SORD: variants seen among roughly 807,000 people sequenced by gnomAD.
SORD encodes the protein (R,R)-butanediol dehydrogenase.
SORD carries 18 observed loss-of-function variants against 35.6 expected under a neutral mutation model. That is an observed-to-expected ratio of 0.51 (90% CI 0.35 to 0.75). The LOEUF (loss-of-function observed/expected upper bound fraction) is 0.75, where lower values mean the gene tolerates loss of function less well. Ranked by LOEUF, SORD falls within the 30% of genes least tolerant of loss-of-function variation. The probability of loss-of-function intolerance (pLI) is 0.01; values close to 1 mark genes in which losing one functional copy is unlikely to be tolerated. For missense variants in SORD, 250 were observed against 390.2 expected (o/e 0.64, Z 3.03); for synonymous variants, 106 against 152.9 (o/e 0.69, Z 2.26).
At chr15:45,045,407 C>G (rs1280722569) in intron 3 of SORD, among the ~76,000 whole-genome samples, 4 of 151,918 alleles carry the variant, frequency 2.6e-5, no homozygotes, top group Non-Finnish European at 4.4e-5. Flanking sequence ...GTGGCACACA[C>G]CTATAATCCC....
intron 7 of SORD, chr15:45,069,932 A>AG (rs911066445): frequency 6.6e-6 from 1 of 152,202 alleles, no homozygotes; most frequent in African/African-American, 2.4e-5. Context: ...GGAAGTTGGC[A>AG]GGAAGTTGGA....
rs779306479 is a variant in SORD at position 45,073,565 on chromosome 15, G to A, written c.*35G>A. ...GCTCTGCCCTCATCCCCACAGTCTT[G>A]GGATCTCAGGGCACAATGGCTGGAC... On this transcript the variant is annotated 3_prime_UTR_variant, in exon 9 of 9. Coordinates refer to ENST00000267814, the MANE Select transcript of SORD (RefSeq NM_003104.6). 1.4e-5 allele frequency: 23 copies of A among 1,591,160 alleles called. No homozygotes were observed. Among genetic ancestry groups the A allele is most frequent in the Middle Eastern group, 1.7e-4 (1 of 5,882 alleles).
chr15:45,025,263 T>C (rs1170275017), intron 1 of SORD, among the ~76,000 whole-genome samples: 2 of 152,062 alleles, frequency 1.3e-5, no homozygotes, highest in Non-Finnish European at 1.5e-5. Flanking sequence ...TAGGCTCAGT[T>C]TGAGAATGGG....
intron 1 of SORD, 102 bp downstream of exon 1, chr15:45,023,451 GC>G: frequency 9.6e-7 from 1 of 1,047,024 alleles, no homozygotes; most frequent in Non-Finnish European, 1.3e-6. Flanking sequence ...CGCCGGCCCC[GC>G]ACCTTAAGCG....
chr15:45,047,850 AGGGGG>A (rs970067735), intron 3 of SORD, among the ~76,000 whole-genome samples: 11 of 152,316 alleles, frequency 7.2e-5, no homozygotes, highest in Admixed American at 2.0e-4. Context: ...GGGCTCAGGC[AGGGGG>A]TCTGCCAGGG....
At chr15:45,054,355 T>G (rs1280391589) in intron 3 of SORD, among the ~76,000 whole-genome samples, 2 of 152,022 alleles carry the variant, frequency 1.3e-5, no homozygotes, top group African/African-American at 4.8e-5. Flanking sequence ...TGTGAGATGG[T>G]ATCTCATTGT....
chr15:45,054,094 G>A (rs984830820), intron 3 of SORD, among the ~76,000 whole-genome samples: 30 of 151,084 alleles, frequency 2.0e-4, no homozygotes, highest in East Asian at 5.8e-4. Flanking sequence ...GAATAGTGCT[G>A]CAATAAACAT....
intron 1 of SORD, 124 bp downstream of exon 1, chr15:45,023,473 C>G (rs1049360923): frequency 2.5e-6 from 2 of 805,508 alleles, no homozygotes; most frequent in African/African-American, 3.6e-5. Context: ...CCCTGGCTGC[C>G]CAGATCCCAG....
chr15:45,057,319 T>G (rs928613774), intron 3 of SORD, among the ~76,000 whole-genome samples: 2 of 152,344 alleles, frequency 1.3e-5, no homozygotes, highest in South Asian at 4.1e-4. Flanking sequence ...TGTGATTTTT[T>G]TTTGATACAT....
At chr15:45,072,990 C>T (rs1210919216) in intron 8 of SORD, among the ~76,000 whole-genome samples, 4 of 134,734 alleles carry the variant, frequency 3.0e-5, no homozygotes, top group South Asian at 2.2e-4. Context: ...CTCATCAGGG[C>T]GCCAGTTTTC....
intron 3 of SORD, among the ~76,000 whole-genome samples, chr15:45,049,580 G>A (rs1893096199): frequency 6.6e-6 from 1 of 152,158 alleles, no homozygotes; most frequent in African/African-American, 2.4e-5. Context: ...GCCAAGATTT[G>A]GGTGCATGGG....
At chr15:45,059,436 T>C (rs1174265979) in intron 3 of SORD, among the ~76,000 whole-genome samples, 3 of 151,916 alleles carry the variant, frequency 2.0e-5, no homozygotes, top group African/African-American at 7.3e-5. Context: ...AATAAGAGAA[T>C]GGTGATACTG....
At chr15:45,069,436 T>C (rs931107943) in intron 7 of SORD, among the ~76,000 whole-genome samples, 5 of 152,010 alleles carry the variant, frequency 3.3e-5, no homozygotes, top group Admixed American at 3.3e-4. Context: ...GGTCGCCATC[T>C]CCTGACCTCA....
At chr15:45,056,559 G>T (rs1893220297) in intron 3 of SORD, among the ~76,000 whole-genome samples, 1 of 152,158 alleles carries the variant, frequency 6.6e-6, no homozygotes, top group South Asian at 2.1e-4. Context: ...TGGCCATACT[G>T]CCCCAGGTAA....
chr15:45,058,008 G>A (rs1893245257), intron 3 of SORD, among the ~76,000 whole-genome samples: 1 of 152,166 alleles, frequency 6.6e-6, no homozygotes, highest in South Asian at 2.1e-4. Context: ...AATTCTTTGA[G>A]TTACTTTCCT....
chr15:45,034,876 G>C (rs1442631872), intron 1 of SORD, among the ~76,000 whole-genome samples: 15 of 152,200 alleles, frequency 9.9e-5, no homozygotes, highest in Non-Finnish European at 1.9e-4. Flanking sequence ...CCGCGCTTGC[G>C]GGCCAGCTGG....
rs752540495 is a variant in SORD at position 45,069,194 on chromosome 15, C to CTTTTTTTT, written c.786+165_786+172dup. 1.1e-3 allele frequency: 126 copies of CTTTTTTTT among 116,996 alleles called. 2 individuals are homozygous for CTTTTTTTT. Among genetic ancestry groups the CTTTTTTTT allele is most frequent in the African/African-American group, 1.2e-3 (39 of 31,860 alleles). The allele number at this position is 116,996 out of a possible 1,614,324, so 7.2% of individuals were successfully genotyped here. A position where few individuals can be genotyped will look rare whatever the true frequency, so the allele number is the denominator to read the frequency against. On this transcript the variant is annotated intron_variant, in intron 7 of 8. Coordinates refer to ENST00000267814, the MANE Select transcript of SORD (RefSeq NM_003104.6). The stretch of plus-strand genomic sequence containing the variant: ...CTTTTGCCATCTATGTTTTCTTTTT[C>CTTTTTTTT]TTTTTTTTTTTTTTTTTTTTTTTTT...
intron 1 of SORD, among the ~76,000 whole-genome samples, chr15:45,035,847 T>C (rs1173902504): frequency 1.2e-4 from 17 of 144,320 alleles, no homozygotes; most frequent in South Asian, 2.2e-4. Flanking sequence ...CGCGAAGGTC[T>C]GCAGCTTCAC....
intron 3 of SORD, among the ~76,000 whole-genome samples, chr15:45,049,330 G>T (rs1467528482): frequency 6.6e-6 from 1 of 152,118 alleles, no homozygotes; most frequent in Non-Finnish European, 1.5e-5. Context: ...GGAGGTGGGG[G>T]TTGTGTGGGG....
Sources: allele counts gnomAD v4.1 joint callset (sites outside exome capture counted in the v4.1 genomes callset), GRCh38; gene constraint gnomAD v4.1.1; transcripts MANE v1.5; gene names NCBI Gene and HGNC (gene_info 2026-07-23, HGNC 2026-07-21).